Variants in PSMD5 observed in about 807,000 individuals in gnomAD.
PSMD5 encodes the protein 26S proteasome non-ATPase regulatory subunit 5.
A neutral mutation model predicts 52.1 loss-of-function variants in PSMD5; 40 were observed. That is an observed-to-expected ratio of 0.77 (90% CI 0.60 to 1.00). PSMD5 has a LOEUF of 1.00. Among genes scored for constraint, PSMD5 ranks in the 50% least tolerant of loss-of-function variants. The probability of loss-of-function intolerance (pLI) is 0.00; values close to 1 mark genes in which losing one functional copy is unlikely to be tolerated. For missense variants in PSMD5, 575 were observed against 605.2 expected (o/e 0.95, Z 0.52); for synonymous variants, 211 against 226.6 (o/e 0.93, Z 0.62).
At chr9:120,841,653 C>G (rs934267529) in intron 1 of PSMD5, among the ~76,000 whole-genome samples, 1 of 152,102 alleles carries the variant, frequency 6.6e-6, no homozygotes, top group Admixed American at 6.5e-5. Flanking sequence ...ATATATACAT[C>G]TACCTCAATA....
At chr9:120,824,723 C>T in intron 6 of PSMD5, 38 bp from the exon 7 acceptor site, 1 of 1,519,560 alleles carries the variant, frequency 6.6e-7, no homozygotes, top group Non-Finnish European at 8.9e-7. Flanking sequence ...AATAGGGGAA[C>T]AAGACAGCAT....
At chr9:120,824,743 G>T in intron 6 of PSMD5, 58 bp from the exon 7 acceptor site, 1 of 1,403,316 alleles carries the variant, frequency 7.1e-7, no homozygotes, top group Non-Finnish European at 9.7e-7. Context: ...TGAATTGCGG[G>T]CTCTATGACT....
At position 120,817,368 on chromosome 9, in the gene PSMD5, T is replaced by C; in HGVS notation, c.*538A>G. On this transcript the variant is annotated 3_prime_UTR_variant, in exon 10 of 10. Transcript: ENST00000210313. ...TCACTGCAACCTCTGCCTCCCAGGC[T>C]CAAGCGATTCTCGTGCCTCAGCCTC... The C allele has an allele frequency of 6.5e-6, 1 of 152,758 alleles. No homozygotes were observed. The highest frequency in any genetic ancestry group is 6.5e-5 in the Admixed American group (1 of 15,340). The allele number at this position is 152,758 out of a possible 1,614,324, so 9.5% of individuals were successfully genotyped here.
rs2131416398 is a variant in PSMD5 at position 120,816,833 on chromosome 9, T to C, written c.*1073A>G. The stretch of plus-strand genomic sequence containing the variant: ...ATTTATGCATATGTCCCTTCTGTTC[T>C]GAGTCTGTTTATTAGGAGTAAGTTT... On this transcript the variant is annotated 3_prime_UTR_variant, in exon 10 of 10. Transcript: ENST00000210313. The C allele has an allele frequency of 6.6e-6, 1 of 152,320 alleles. No individual in the cohort carries two copies. The highest frequency in any genetic ancestry group is 1.5e-5 in the Non-Finnish European group (1 of 68,028). 9.4% of individuals were successfully genotyped at this position (152,320 alleles called of 1,614,324 possible). A position where few individuals can be genotyped will look rare whatever the true frequency, so the allele number is the denominator to read the frequency against.
At position 120,842,818 on chromosome 9, in the gene PSMD5, G is replaced by A. The variant is rs151222283; in HGVS notation, c.92C>T (p.Ala31Val). 6.2e-7 allele frequency: 1 copy of A among 1,611,890 alleles called. No homozygotes were observed. The highest frequency in any genetic ancestry group is 8.5e-7 in the Non-Finnish European group (1 of 1,179,828). ...ELRALHSVLQ[A>V]VPLNELRQQA... ...CTGGCGAAGCTCGTTGAGCGGCACT[G>A]CCTGCAGCACGGAGTGAAGCGCGCG... is the stretch of plus-strand genomic sequence containing the variant. The change falls in exon 1 of 10, where the codon GCA becomes GTA. Residue 31 changes from alanine (A) to valine (V), a missense_variant. Ala to Val is a moderately conservative substitution (Grantham distance 64). Coordinates refer to ENST00000210313, the MANE Select transcript of PSMD5 (RefSeq NM_005047.4).
intron 1 of PSMD5, among the ~76,000 whole-genome samples, chr9:120,835,180 A>T (rs923341548): frequency 2.6e-5 from 4 of 152,252 alleles, no homozygotes; most frequent in African/African-American, 9.6e-5. Flanking sequence ...CTATTTTCAC[A>T]AAACTTGTAC....
rs1325552188 is a variant in PSMD5 at position 120,831,824 on chromosome 9, A to G, written c.432+8T>C. 2 of 1,610,996 alleles carry G rather than the reference A, an allele frequency of 1.2e-6. No homozygotes were observed. The highest frequency in any genetic ancestry group is 3.4e-5 in the Admixed American group (2 of 59,426). On this transcript the variant is annotated splice_region_variant and intron_variant, in intron 3 of 9. Transcript: ENST00000210313. ...GCACATTTAAGTCAATGATTCTAGTAGACTCACCGCTTTTGCTACAGATAG... is the reference window on the plus strand; with the variant it reads ...GCACATTTAAGTCAATGATTCTAGTGGACTCACCGCTTTTGCTACAGATAG...
At chr9:120,838,865 C>T (rs2131437845) in intron 1 of PSMD5, among the ~76,000 whole-genome samples, 1 of 152,310 alleles carries the variant, frequency 6.6e-6, no homozygotes, top group African/African-American at 2.4e-5. Context: ...GCATTATGTG[C>T]TGGGCCCTAA....
chr9:120,823,526 T>C (rs2045100920), intron 7 of PSMD5, among the ~76,000 whole-genome samples: 1 of 150,302 alleles, frequency 6.7e-6, no homozygotes, highest in Non-Finnish European at 1.5e-5. Flanking sequence ...TTTTTTTTTT[T>C]TTTGAGATAG....
chr9:120,826,834 C>T lies in PSMD5; in HGVS notation c.745G>A (p.Val249Ile), dbSNP rs140063358. The T allele has an allele frequency of 5.0e-6, 8 of 1,613,208 alleles. No individual in the cohort carries two copies. The African/African-American group carries it at 1.1e-4, about 22-fold the overall frequency. ...ATTATATTAGAAATTTGGTCAATTA[C>T]TCCTTCTTGAGCAAGATATTGTCGC... ...HGRQYLAQEG[V>I]IDQISNIIVG... is the part of the protein sequence containing the mutation. The change falls in exon 6 of 10, where the codon GTA (valine) becomes ATA (isoleucine). Residue 249 changes from valine to isoleucine, a missense_variant. Coordinates refer to ENST00000210313, the MANE Select transcript of PSMD5 (RefSeq NM_005047.4).
At chr9:120,826,999 T>G in intron 5 of PSMD5, 92 bp from the exon 6 acceptor site, 3 of 1,278,414 alleles carry the variant, frequency 2.3e-6, no homozygotes, top group African/African-American at 3.0e-5. Flanking sequence ...TATTTAATTC[T>G]TCTTATCACA....
intron 9 of PSMD5, 114 bp from the exon 10 acceptor site, chr9:120,818,277 T>C (rs2045059392): frequency 1.0e-5 from 11 of 1,069,870 alleles, no homozygotes; most frequent in Non-Finnish European, 1.4e-5. Context: ...ATGTTACCTT[T>C]TGTCTAAGTA....
intron 1 of PSMD5, among the ~76,000 whole-genome samples, chr9:120,841,455 T>C (rs1051303938): frequency 6.6e-6 from 1 of 152,188 alleles, no homozygotes; most frequent in African/African-American, 2.4e-5. Context: ...GGCGGGCGCC[T>C]GTAGTCCCAG....
At position 120,817,933 on chromosome 9, in the gene PSMD5, G is replaced by A; in HGVS notation, c.1488C>T (p.Ser496=). The A allele has an allele frequency of 3.7e-6, 6 of 1,613,426 alleles. No individual in the cohort carries two copies. Among genetic ancestry groups the A allele is most frequent in the Non-Finnish European group, 5.1e-6 (6 of 1,179,422 alleles). ...SEGPYYVKPV[S]TTAVEGAE is the part of the protein sequence containing the mutation. ...ATTCGGCTCCTTCTACTGCTGTCGT[G>A]GAAACAGGTTTCACATAGTATGGCC... Residue 496 remains serine (S), a synonymous_variant, in exon 10 of 10, where the codon TCC becomes TCT. Transcript: ENST00000210313.
rs1472063231 is a variant in PSMD5, at chr9:120,820,840, G to A, written c.1256C>T (p.Thr419Met). The change falls in exon 9 of 10, where the codon ACG becomes ATG. Residue 419 changes from threonine (T) to methionine (M), a missense_variant and splice_region_variant. Thr to Met is a moderately conservative substitution (Grantham distance 81). Transcript: ENST00000210313. ...GGACCTATGGAAGTGAATACCTACC[G>A]TAAACACTTTTAAGGCAGCACAGTG... Reference protein sequence around the residue: ...ELHCAALKVFTAIANQPWAQK... With the variant: ...ELHCAALKVFMAIANQPWAQK... The A allele has an allele frequency of 3.8e-6, 6 of 1,573,392 alleles. No homozygotes were observed. Among genetic ancestry groups the A allele is most frequent in the African/African-American group, 2.7e-5 (2 of 72,986 alleles).
chr9:120,840,563 A>C (rs1049750095), intron 1 of PSMD5, among the ~76,000 whole-genome samples: 2 of 150,618 alleles, frequency 1.3e-5, no homozygotes, highest in African/African-American at 4.9e-5. Flanking sequence ...GTCCTGCCTC[A>C]GCCTCCCAAC....
At chr9:120,819,950 C>T (rs1434870311) in intron 9 of PSMD5, among the ~76,000 whole-genome samples, 2 of 152,144 alleles carry the variant, frequency 1.3e-5, no homozygotes, top group African/African-American at 4.8e-5. Flanking sequence ...TTCCTTATTC[C>T]CTCCCAGTCT....
chr9:120,825,146 T>A (rs1180512956), intron 6 of PSMD5, among the ~76,000 whole-genome samples: 1 of 152,128 alleles, frequency 6.6e-6, no homozygotes, highest in Non-Finnish European at 1.5e-5. Flanking sequence ...AGATAAAGAC[T>A]CCCACTCAGA....
At chr9:120,837,564 C>T (rs1434017646) in intron 1 of PSMD5, among the ~76,000 whole-genome samples, 1 of 152,160 alleles carries the variant, frequency 6.6e-6, no homozygotes, top group Non-Finnish European at 1.5e-5. Context: ...CAAAGTCATA[C>T]ATTTTTTTTT....
Sources: gnomAD v4.1 joint callset for allele counts (sites outside exome capture counted in the v4.1 genomes callset) on GRCh38, gnomAD v4.1.1 for gene constraint, MANE v1.5 for transcripts, NCBI Gene and HGNC (gene_info 2026-07-23, HGNC 2026-07-21) for gene names.